SYT1: variants seen among roughly 807,000 people sequenced by gnomAD.
SYT1 encodes synaptotagmin-1.
A neutral mutation model predicts 44.8 loss-of-function variants in SYT1; 8 were observed. That is an observed-to-expected ratio of 0.18 (90% CI 0.10 to 0.32). The LOEUF is 0.32. Among genes scored for constraint, SYT1 ranks in the 10% least tolerant of loss-of-function variants. The probability of loss-of-function intolerance (pLI) is 1.00; values close to 1 mark genes in which losing one functional copy is unlikely to be tolerated. For synonymous variants in SYT1, 154 were observed against 188.8 expected (o/e 0.82, Z 1.51); for missense variants, 286 against 509.3 (o/e 0.56, Z 4.22).
At chr12:79,298,692 A>G (rs551149146) in intron 7 of SYT1, among the ~76,000 whole-genome samples, 114 of 152,310 alleles carry the variant, frequency 7.5e-4, no homozygotes, top group African/African-American at 2.6e-3. Context: ...GAACAGCTGG[A>G]GAATTCATCA....
intron 3 of SYT1, among the ~76,000 whole-genome samples, chr12:79,197,083 G>A (rs1222193443): frequency 6.6e-6 from 1 of 152,198 alleles, no homozygotes; most frequent in East Asian, 1.9e-4. Flanking sequence ...AAAACTCAAA[G>A]TGATTAATTA....
intron 3 of SYT1, among the ~76,000 whole-genome samples, chr12:79,149,417 C>A (rs1016551689): frequency 6.6e-6 from 1 of 152,106 alleles, no homozygotes; most frequent in East Asian, 1.9e-4. Flanking sequence ...ATTTATTAAT[C>A]TGCAAGTTCT....
At chr12:79,009,234 C>G (rs969370289) in intron 2 of SYT1, among the ~76,000 whole-genome samples, 1 of 152,076 alleles carries the variant, frequency 6.6e-6, no homozygotes, top group Non-Finnish European at 1.5e-5. Context: ...TACTGTGTAT[C>G]GTATTTTCCT....
At chr12:78,940,354 G>C (rs1264509765) in intron 1 of SYT1, among the ~76,000 whole-genome samples, 52 of 152,052 alleles carry the variant, frequency 3.4e-4, no homozygotes, top group Non-Finnish European at 7.4e-5. Flanking sequence ...CATCAGAACA[G>C]AGTGAAACAA....
intron 1 of SYT1, among the ~76,000 whole-genome samples, chr12:78,951,251 G>A (rs1444635853): frequency 2.0e-5 from 3 of 151,578 alleles, no homozygotes; most frequent in Non-Finnish European, 4.4e-5. Flanking sequence ...CTCCTAATAC[G>A]TCAGTCTATT....
intron 1 of SYT1, among the ~76,000 whole-genome samples, chr12:78,936,506 T>C (rs1275845885): frequency 1.3e-5 from 2 of 152,148 alleles, no homozygotes; most frequent in South Asian, 2.1e-4. Context: ...GGTATGCCTG[T>C]TTATTTTCTT....
intron 1 of SYT1, among the ~76,000 whole-genome samples, chr12:78,917,987 A>C (rs1876764202): frequency 6.6e-6 from 1 of 152,098 alleles, no homozygotes; most frequent in Admixed American, 6.6e-5. Context: ...TAGCTCAGAA[A>C]TGTACAAGCA....
chr12:79,114,667 A>G (rs1203263441), intron 3 of SYT1, among the ~76,000 whole-genome samples: 2 of 152,266 alleles, frequency 1.3e-5, no homozygotes, highest in African/African-American at 4.8e-5. Context: ...GATAGAACAC[A>G]GCTCTTTGAA....
At chr12:79,142,368 C>T (rs1233356173) in intron 3 of SYT1, among the ~76,000 whole-genome samples, 1 of 152,090 alleles carries the variant, frequency 6.6e-6, no homozygotes, top group African/African-American at 2.4e-5. Context: ...CATTTTTCAC[C>T]TTTGTGGGGA....
intron 8 of SYT1, among the ~76,000 whole-genome samples, chr12:79,305,798 G>A (rs529066714): frequency 6.6e-6 from 1 of 152,280 alleles, no homozygotes; most frequent in African/African-American, 2.4e-5. Context: ...CCGGGTTCAA[G>A]CGATTCTCCT....
rs1387347223 is a variant in SYT1, at chr12:79,115,625, G to A, written c.-18+68263G>A. Reference sequence around the variant, plus strand: ...AAGAGCAGGAGGTAACCTTGCCTCTGCACAAAAACATCTTGTTCTTTCCAC... The same window carrying A: ...AAGAGCAGGAGGTAACCTTGCCTCTACACAAAAACATCTTGTTCTTTCCAC... On this transcript the variant is annotated intron_variant, in intron 3 of 10. Coordinates refer to ENST00000261205, the MANE Select transcript of SYT1 (RefSeq NM_005639.3). 1.3e-5 allele frequency among the ~76,000 whole-genome samples: 2 copies of A among 152,162 alleles called. 1 individual carries two copies. Among genetic ancestry groups the A allele is most frequent in the South Asian group, 4.1e-4 (2 of 4,822 alleles).
chr12:79,334,878 T>G (rs1372916326), intron 8 of SYT1, among the ~76,000 whole-genome samples: 1 of 152,208 alleles, frequency 6.6e-6, no homozygotes, highest in African/African-American at 2.4e-5. Flanking sequence ...GACCCTCCCA[T>G]GTCTACTGTG....
chr12:78,867,330 CA>C (rs1173301538), intron 1 of SYT1, among the ~76,000 whole-genome samples: 1 of 151,966 alleles, frequency 6.6e-6, no homozygotes. Flanking sequence ...TGACTCTTTA[CA>C]AATGTTAATT....
intron 1 of SYT1, among the ~76,000 whole-genome samples, chr12:78,957,487 C>T (rs750041808): frequency 6.6e-6 from 1 of 152,122 alleles, no homozygotes; most frequent in Non-Finnish European, 1.5e-5. Flanking sequence ...TCAACTAATA[C>T]AAAAACTCTT....
intron 1 of SYT1, among the ~76,000 whole-genome samples, chr12:78,936,800 G>T (rs1878085710): frequency 6.6e-6 from 1 of 152,076 alleles, no homozygotes; most frequent in Admixed American, 6.6e-5. Context: ...AGCAGTGGTG[G>T]GGGAATGTTA....
intron 2 of SYT1, among the ~76,000 whole-genome samples, chr12:79,017,052 G>C (rs557477516): frequency 2.6e-5 from 4 of 151,986 alleles, no homozygotes; most frequent in Admixed American, 6.6e-5. Flanking sequence ...GAAATCCCTG[G>C]TGGGAATGGA....
rs181329893 is a variant in SYT1 at position 78,911,439 on chromosome 12, G to A, written c.-217+46330G>A. On this transcript the variant is annotated intron_variant, in intron 1 of 10. Transcript: ENST00000261205. ...AGCCTAAGACTGAACCTTGGGGTGC[G>A]CCAACATTTCATGTCTATGTACACG... 2.6e-4 allele frequency among the ~76,000 whole-genome samples: 39 copies of A among 151,886 alleles called. 1 individual carries two copies. The highest frequency in any genetic ancestry group is 8.7e-4 in the African/African-American group (36 of 41,476).
rs71091653 is a variant in SYT1 at position 79,215,918 on chromosome 12, C to CTTTTTTT, written c.-17-1561_-17-1555dup. On this transcript the variant is annotated intron_variant, in intron 3 of 10. Coordinates refer to ENST00000261205, the MANE Select transcript of SYT1 (RefSeq NM_005639.3). ...ACTCACAAATCGTTTGCATTTCTTT[C>CTTTTTTT]TTTTTTTTTTTTTTTTTTTTTTTTT... 4.8e-4 allele frequency among the ~76,000 whole-genome samples: 37 copies of CTTTTTTT among 76,792 alleles called. 2 individuals are homozygous for CTTTTTTT. The highest frequency in any genetic ancestry group is 1.3e-3 in the East Asian group (3 of 2,292). 50.4% of individuals were successfully genotyped at this position (76,792 alleles called of 152,430 possible).
chr12:79,076,645 A>G (rs1368203320), intron 3 of SYT1, among the ~76,000 whole-genome samples: 6 of 152,166 alleles, frequency 3.9e-5, no homozygotes, highest in Non-Finnish European at 7.3e-5. Flanking sequence ...ATTTATAAGA[A>G]TATAAATTGT....
Sources: allele counts gnomAD v4.1 joint callset (sites outside exome capture counted in the v4.1 genomes callset), GRCh38; gene constraint gnomAD v4.1.1; transcripts MANE v1.5; gene names NCBI Gene and HGNC (gene_info 2026-07-23, HGNC 2026-07-21).